Variants in CTNNA1 observed in about 807,000 individuals in gnomAD.
The protein encoded by CTNNA1 is catenin alpha 1, also known as catenin alpha-1.
CTNNA1 carries 37 observed loss-of-function variants against 98.4 expected under a neutral mutation model. The observed-to-expected ratio is 0.38, with a 90% CI of 0.29 to 0.49. The LOEUF (loss-of-function observed/expected upper bound fraction) is 0.49. Ranked by LOEUF, CTNNA1 falls within the 20% of genes least tolerant of loss-of-function variation. CTNNA1 has a pLI of 0.95. For synonymous variants in CTNNA1, 404 were observed against 413.2 expected (o/e 0.98, Z 0.27); for missense variants, 761 against 1,147.2 (o/e 0.66, Z 4.86).
At chr5:138,829,556 C>T (rs190995326) in intron 7 of CTNNA1, among the ~76,000 whole-genome samples, 94 of 152,296 alleles carry the variant, frequency 6.2e-4, no homozygotes, top group Non-Finnish European at 1.1e-3. Flanking sequence ...TTGGGCCAAT[C>T]ACCCCTGGTC....
chr5:138,764,809 A>G (rs1451274020), intron 1 of CTNNA1, among the ~76,000 whole-genome samples: 1 of 146,762 alleles, frequency 6.8e-6, no homozygotes, highest in African/African-American at 2.5e-5. Flanking sequence ...CCAGTGAAAG[A>G]TGTGATGTTT....
intron 7 of CTNNA1, chr5:138,871,726 G>A (rs1044219700): frequency 6.6e-6 from 1 of 152,190 alleles, no homozygotes; most frequent in African/African-American, 2.4e-5. Context: ...TAGGCATGTC[G>A]AGTTGTTCTG....
At chr5:138,866,273 CATTTATTTATTTATTTATTTATTT>C (rs201730664) in intron 7 of CTNNA1, among the ~76,000 whole-genome samples, 19 of 138,544 alleles carry the variant, frequency 1.4e-4, no homozygotes, top group South Asian at 2.4e-4. Flanking sequence ...TGTTGTAACT[CATTTATTTATTTATTTATTTATTT>C]ATTTATTTAT....
chr5:138,839,601 C>G (rs1311208755), intron 7 of CTNNA1, among the ~76,000 whole-genome samples: 5 of 152,138 alleles, frequency 3.3e-5, no homozygotes, highest in Non-Finnish European at 7.4e-5. Context: ...GGGGAAAGAT[C>G]TAATTATTCT....
intron 3 of CTNNA1, among the ~76,000 whole-genome samples, chr5:138,796,993 C>A (rs1192719310): frequency 6.6e-6 from 1 of 152,164 alleles, no homozygotes; most frequent in African/African-American, 2.4e-5. Context: ...ATTGGGGCTA[C>A]AGATACCCAT....
At position 138,837,287 on chromosome 5, in the gene CTNNA1, G is replaced by A. The variant is rs1379819025; in HGVS notation, c.1062+9569G>A. The stretch of plus-strand genomic sequence containing the variant: ...AAAATTGTGAAGGTAGAATTTGGAA[G>A]TGACGTTCGTTATCATGTGGTCTAG... On this transcript the variant is annotated intron_variant, in intron 7 of 17. Coordinates refer to ENST00000302763, the MANE Select transcript of CTNNA1 (RefSeq NM_001903.5). 2.0e-5 allele frequency among the ~76,000 whole-genome samples: 3 copies of A among 152,176 alleles called. No individual in the cohort carries two copies. The East Asian group carries it at 5.8e-4, about 29-fold the overall frequency.
intron 3 of CTNNA1, 36 bp downstream of exon 3, chr5:138,783,408 G>A: frequency 6.5e-7 from 1 of 1,541,422 alleles, no homozygotes; most frequent in Non-Finnish European, 8.8e-7. Flanking sequence ...AAGAGAGGCA[G>A]GCCTTTCTAG....
intron 1 of CTNNA1, among the ~76,000 whole-genome samples, chr5:138,778,194 C>T (rs1343529892): frequency 2.0e-5 from 3 of 151,800 alleles, no homozygotes; most frequent in Non-Finnish European, 4.4e-5. Context: ...CGGGGTTTCA[C>T]AGTGTTGACC....
chr5:138,756,974 G>A (rs916341034), intron 1 of CTNNA1, among the ~76,000 whole-genome samples: 1 of 151,904 alleles, frequency 6.6e-6, no homozygotes, highest in Non-Finnish European at 1.5e-5. Flanking sequence ...TGAGTTGGGA[G>A]GATCACTTGA....
intron 7 of CTNNA1, chr5:138,875,292 G>A: frequency 1.7e-6 from 1 of 571,956 alleles, no homozygotes; most frequent in Non-Finnish European, 2.3e-6. Flanking sequence ...GGAGCAGCAT[G>A]AGTGCATTTA....
At chr5:138,790,799 G>A (rs1012614985) in intron 3 of CTNNA1, 5 of 152,224 alleles carry the variant, frequency 3.3e-5, no homozygotes, top group Non-Finnish European at 7.3e-5. Flanking sequence ...GCTGAACAGA[G>A]CAAGGATTGA....
chr5:138,849,767 A>T (rs1027666965), intron 7 of CTNNA1, among the ~76,000 whole-genome samples: 2 of 152,190 alleles, frequency 1.3e-5, no homozygotes, highest in Non-Finnish European at 2.9e-5. Context: ...GTTTTGAAAA[A>T]GGTCTGTTGT....
intron 1 of CTNNA1, among the ~76,000 whole-genome samples, chr5:138,771,688 G>A (rs1427401381): frequency 1.3e-5 from 2 of 152,046 alleles, no homozygotes; most frequent in Admixed American, 6.6e-5. Context: ...TTAATTATAA[G>A]TTACCTTGAT....
At chr5:138,872,269 A>G (rs1467527355) in intron 7 of CTNNA1, 1 of 152,640 alleles carries the variant, frequency 6.6e-6, no homozygotes, top group East Asian at 1.9e-4. Context: ...TATAAGTCAA[A>G]CGAGAAATGT....
chr5:138,785,749 ATAGTG>A (rs879461884), intron 3 of CTNNA1, among the ~76,000 whole-genome samples: 223 of 151,978 alleles, frequency 1.5e-3, no homozygotes, highest in Middle Eastern at 3.4e-3. Context: ...TTAGTATAGT[ATAGTG>A]TAGTGTAGTG....
chr5:138,866,216 T>C (rs370884344), intron 7 of CTNNA1, among the ~76,000 whole-genome samples: 3 of 152,090 alleles, frequency 2.0e-5, no homozygotes, highest in African/African-American at 7.2e-5. Context: ...AAAATGGCTG[T>C]AGAGTTTTGG....
chr5:138,795,545 G>A (rs1294363160), intron 3 of CTNNA1, among the ~76,000 whole-genome samples: 1 of 152,150 alleles, frequency 6.6e-6, no homozygotes, highest in Non-Finnish European at 1.5e-5. Context: ...TTGGTATAAA[G>A]TAGGTTTATC....
At chr5:138,885,074 A>G (rs1053242278) in intron 7 of CTNNA1, among the ~76,000 whole-genome samples, 4 of 152,160 alleles carry the variant, frequency 2.6e-5, no homozygotes, top group South Asian at 2.1e-4. Context: ...TAAATAACCT[A>G]TATCCCTCAA....
chr5:138,804,338 C>G (rs1757871184), intron 3 of CTNNA1, among the ~76,000 whole-genome samples: 1 of 148,444 alleles, frequency 6.7e-6, no homozygotes, highest in Admixed American at 6.8e-5. Context: ...TAAAATTCAT[C>G]ATTTTAAAGT....
Sources: allele counts gnomAD v4.1 joint callset (sites outside exome capture counted in the v4.1 genomes callset), GRCh38; gene constraint gnomAD v4.1.1; transcripts MANE v1.5; gene names NCBI Gene and HGNC (gene_info 2026-07-23, HGNC 2026-07-21).